Variants in PLAAT5 observed in about 807,000 individuals in gnomAD.
PLAAT5 encodes phospholipase A and acyltransferase 5, also known as Ca(2+)-independent N-acyltransferase.
In PLAAT5, 27 loss-of-function variants were observed where a neutral mutation model predicts 27.8. The observed-to-expected ratio is 0.97, with a 90% CI of 0.72 to 1.34. The LOEUF is 1.34. PLAAT5 is among the 40% of genes most tolerant of loss of function. The probability of loss-of-function intolerance (pLI) is 0.00; values close to 1 mark genes in which losing one functional copy is unlikely to be tolerated. For synonymous variants in PLAAT5, 125 were observed against 136.1 expected (o/e 0.92, Z 0.57); for missense variants, 368 against 343.8 (o/e 1.07, Z -0.56).
intron 4 of PLAAT5, among the ~76,000 whole-genome samples, chr11:63,467,001 A>G (rs900868753): frequency 6.6e-6 from 1 of 152,238 alleles, no homozygotes; most frequent in African/African-American, 2.4e-5. Flanking sequence ...TATCATATTC[A>G]GCCCTGAGAT....
chr11:63,488,326 G>A (rs1021958283), intron 3 of PLAAT5, among the ~76,000 whole-genome samples: 3 of 152,098 alleles, frequency 2.0e-5, no homozygotes, highest in Non-Finnish European at 4.4e-5. Context: ...AGAAACTTTT[G>A]TAAATGACAG....
chr11:63,473,094 G>C (rs1449459026), intron 3 of PLAAT5, among the ~76,000 whole-genome samples: 2 of 152,000 alleles, frequency 1.3e-5, no homozygotes, highest in Non-Finnish European at 2.9e-5. Context: ...CTCCAGCATA[G>C]GTGACAGAGC....
At chr11:63,470,942 C>T (rs1467136665) in intron 3 of PLAAT5, 1 of 152,056 alleles carries the variant, frequency 6.6e-6, no homozygotes, top group African/African-American at 2.4e-5. Context: ...ACTGTAGTGC[C>T]TTTACTTGTA....
In PLAAT5 at chr11:63,463,460, CT is replaced by C; in HGVS notation, c.*42del. On this transcript the variant is annotated 3_prime_UTR_variant, in exon 6 of 6. Transcript: ENST00000540857. The stretch of plus-strand genomic sequence containing the variant: ...AAGGGAAGGAAGCATGTTCTTTTTG[CT>C]TGTGTCAGTAACTCTTCCTCTAGCT... 6.9e-7 allele frequency: 1 copy of C among 1,446,268 alleles called. No individual in the cohort carries two copies. Among genetic ancestry groups the C allele is most frequent in the East Asian group, 2.3e-5 (1 of 44,040 alleles). The allele number at this position is 1,446,268 out of a possible 1,614,324, so 89.6% of individuals were successfully genotyped here.
At chr11:63,481,219 C>T (rs2016276525) in intron 3 of PLAAT5, among the ~76,000 whole-genome samples, 1 of 152,188 alleles carries the variant, frequency 6.6e-6, no homozygotes, top group South Asian at 2.1e-4. Flanking sequence ...GCAGGTGGAT[C>T]ACCTGAGCTC....
intron 5 of PLAAT5, 98 bp from the exon 6 acceptor site, chr11:63,463,693 T>C: frequency 1.1e-6 from 1 of 885,016 alleles, no homozygotes; most frequent in South Asian, 1.3e-5. Flanking sequence ...AACCAGCCTG[T>C]CTGGAGTCTA....
chr11:63,463,930 G>A (rs1365611501), intron 5 of PLAAT5, among the ~76,000 whole-genome samples: 1 of 152,140 alleles, frequency 6.6e-6, no homozygotes, highest in Non-Finnish European at 1.5e-5. Context: ...GCCAGGGAGC[G>A]GAACTCACTT....
chr11:63,481,866 T>A (rs1280420460), intron 3 of PLAAT5, among the ~76,000 whole-genome samples: 1 of 151,602 alleles, frequency 6.6e-6, no homozygotes, highest in Non-Finnish European at 1.5e-5. Context: ...TGAGAACACA[T>A]GGACACAGGA....
chr11:63,466,469 A>C, intron 4 of PLAAT5, 97 bp from the exon 5 acceptor site: 81 of 1,224,228 alleles, frequency 6.6e-5, no homozygotes, highest in Non-Finnish European at 8.6e-5. Flanking sequence ...CTGGAGTCTC[A>C]TTGGCACCAT....
At chr11:63,482,668 T>C (rs577297398) in intron 3 of PLAAT5, among the ~76,000 whole-genome samples, 1 of 152,154 alleles carries the variant, frequency 6.6e-6, no homozygotes, top group South Asian at 2.1e-4. Flanking sequence ...CCTCCTTAAA[T>C]CTCACACAGC....
chr11:63,477,561 C>T (rs549624832), intron 3 of PLAAT5, among the ~76,000 whole-genome samples: 4 of 151,288 alleles, frequency 2.6e-5, no homozygotes, highest in South Asian at 2.1e-4. Context: ...CTGCAACCTC[C>T]GCCTTCCAGG....
rs115566979 is a variant in PLAAT5 at position 63,485,461 on chromosome 11, C to T, written c.345+3410G>A. On this transcript the variant is annotated intron_variant, in intron 3 of 5. Coordinates refer to ENST00000540857, the MANE Select transcript of PLAAT5 (RefSeq NM_001146729.2). ...TAGACCAATGTAACAGAATAGGGAA[C>T]CCAGAAATAAAACAAAATACAGCCA... Among the ~76,000 whole-genome samples, 1,420 of 152,112 alleles carry T rather than the reference C, an allele frequency of 9.3e-3. 28 individuals are homozygous for T. The highest frequency in any genetic ancestry group is 0.033 in the African/African-American group (1,360 of 41,484).
intron 4 of PLAAT5, among the ~76,000 whole-genome samples, chr11:63,467,108 T>C (rs1031936004): frequency 6.6e-6 from 1 of 152,226 alleles, no homozygotes; most frequent in Non-Finnish European, 1.5e-5. Flanking sequence ...TGCGAATGTG[T>C]ATACCCTTCC....
intron 3 of PLAAT5, among the ~76,000 whole-genome samples, chr11:63,488,143 T>TC (rs1298638003): frequency 2.6e-5 from 4 of 151,472 alleles, no homozygotes; most frequent in Admixed American, 2.6e-4. Context: ...AGACTCCATC[T>TC]CGAAAAAAAT....
intron 5 of PLAAT5, among the ~76,000 whole-genome samples, chr11:63,464,524 C>A (rs766887000): frequency 6.6e-6 from 1 of 151,926 alleles, no homozygotes; most frequent in Non-Finnish European, 1.5e-5. Context: ...GGCATGGTGG[C>A]GTGCACCTGG....
intron 1 of PLAAT5, among the ~76,000 whole-genome samples, 192 bp downstream of exon 1, chr11:63,490,695 A>C (rs918054258): frequency 3.9e-5 from 6 of 152,138 alleles, no homozygotes; most frequent in African/African-American, 1.2e-4. Context: ...ATATAGCGGG[A>C]AGGAGGGAGT....
rs781381198 is a variant in PLAAT5 at position 63,463,607 on chromosome 11, A to G, written c.718-12T>C. On this transcript the variant is annotated splice_polypyrimidine_tract_variant and intron_variant, in intron 5 of 5. Transcript: ENST00000540857. ...AGGGCGTGCTCTACCTGCAAAGCAC[A>G]TCAGTTCACAGGACAATCAGTACCA... 1.1e-5 allele frequency: 17 copies of G among 1,610,314 alleles called. No homozygotes were observed. Among genetic ancestry groups the G allele is most frequent in the Non-Finnish European group, 1.4e-5 (16 of 1,177,542 alleles).
At chr11:63,487,911 C>T (rs1156584536) in intron 3 of PLAAT5, among the ~76,000 whole-genome samples, 4 of 152,168 alleles carry the variant, frequency 2.6e-5, no homozygotes, top group Admixed American at 1.3e-4. Context: ...TTTGGGAAGC[C>T]GAGGCGGGAG....
rs547379908 is a variant in PLAAT5 at position 63,469,710 on chromosome 11, T to C, written c.346-1245A>G. The C allele has an allele frequency of 2.5e-5, 4 of 162,620 alleles. No individual in the cohort carries two copies. In the East Asian group the frequency reaches 7.6e-4, roughly 31 times the overall value. The allele number at this position is 162,620 out of a possible 1,614,324, so 10.1% of individuals were successfully genotyped here. A position where few individuals can be genotyped will look rare whatever the true frequency, so the allele number is the denominator to read the frequency against. Reference sequence around the variant, plus strand: ...GAGCAAAATATTTTAATGTAATACATATGTGAAAGTCTCTAGCAAATTTTC... The same window carrying C: ...GAGCAAAATATTTTAATGTAATACACATGTGAAAGTCTCTAGCAAATTTTC... On this transcript the variant is annotated intron_variant, in intron 3 of 5. Coordinates refer to ENST00000540857, the MANE Select transcript of PLAAT5 (RefSeq NM_001146729.2).
Sources: allele counts gnomAD v4.1 joint callset (sites outside exome capture counted in the v4.1 genomes callset), GRCh38; gene constraint gnomAD v4.1.1; transcripts MANE v1.5; gene names NCBI Gene and HGNC (gene_info 2026-07-23, HGNC 2026-07-21).